The following SMYD3 variants were observed in gnomAD, a reference collection of about 807,000 sequenced individuals.
The protein encoded by SMYD3 is SET and MYND domain containing 3.
A neutral mutation model predicts 57.7 loss-of-function variants in SMYD3; 36 were observed. The observed-to-expected ratio is 0.62, with a 90% CI of 0.48 to 0.82. SMYD3 has a LOEUF of 0.82. Ranked by LOEUF, SMYD3 falls within the 40% of genes least tolerant of loss-of-function variation. The probability of loss-of-function intolerance (pLI) is 0.00; values close to 1 mark genes in which losing one functional copy is unlikely to be tolerated. For missense variants in SMYD3, 515 were observed against 538.8 expected (o/e 0.96, Z 0.44); for synonymous variants, 211 against 195.0 (o/e 1.08, Z -0.68).
At chr1:246,317,225 CTG>C in intron 5 of SMYD3, among the ~76,000 whole-genome samples, 1 of 152,276 alleles carries the variant, frequency 6.6e-6, no homozygotes, top group South Asian at 2.1e-4. Context: ...AAAACAATTA[CTG>C]TGTGTGTACT....
chr1:246,203,600 TACAAGGAC>T lies in SMYD3; in HGVS notation c.531+123593_531+123600del, dbSNP rs1315100067. Among the ~76,000 whole-genome samples, 1 of 152,216 alleles carries T rather than the reference TACAAGGAC, an allele frequency of 6.6e-6. No homozygotes were observed. The highest frequency in any genetic ancestry group is 1.9e-4 in the East Asian group (1 of 5,194). ...TGCTGTTGGTGTCTCTTCCTCTTCC[TACAAGGAC>T]ACCAGTCATACTGGACTAGGGTCAA... On this transcript the variant is annotated intron_variant, in intron 5 of 11. Transcript: ENST00000490107. The surrounding 1 kb of genome is among the most constrained non-coding windows in gnomAD (Gnocchi z 4.6).
chr1:246,109,502 T>C (rs150189737), intron 5 of SMYD3, among the ~76,000 whole-genome samples: 3 of 152,332 alleles, frequency 2.0e-5, no homozygotes, highest in Admixed American at 1.3e-4. Flanking sequence ...AAATATAGTA[T>C]GTTCTAAGAA....
intron 5 of SMYD3, among the ~76,000 whole-genome samples, chr1:245,978,128 G>A (rs1187077242): frequency 1.1e-4 from 16 of 152,158 alleles, no homozygotes; most frequent in South Asian, 6.2e-4. Flanking sequence ...AGAAGGAATC[G>A]TGAAGTAAAC....
intron 1 of SMYD3, among the ~76,000 whole-genome samples, chr1:246,406,098 T>C (rs975605809): frequency 3.9e-5 from 6 of 151,966 alleles, no homozygotes; most frequent in Non-Finnish European, 7.4e-5. Flanking sequence ...ATGGGATTTT[T>C]TTTTTTTAAA....
chr1:246,384,958 C>T (rs1313156568), intron 1 of SMYD3, among the ~76,000 whole-genome samples: 3 of 152,082 alleles, frequency 2.0e-5, no homozygotes, highest in South Asian at 2.1e-4. Flanking sequence ...CTAGGACTTA[C>T]GCAGTGATAA....
intron 10 of SMYD3, among the ~76,000 whole-genome samples, chr1:245,783,604 C>T (rs1280118810): frequency 6.6e-6 from 1 of 152,010 alleles, no homozygotes; most frequent in Non-Finnish European, 1.5e-5. Flanking sequence ...AAATAAGCTG[C>T]CCCTATTTAC....
At chr1:246,160,496 G>A (rs1264088215) in intron 5 of SMYD3, among the ~76,000 whole-genome samples, 7 of 152,194 alleles carry the variant, frequency 4.6e-5, no homozygotes, top group African/African-American at 1.2e-4. Context: ...CCTCGGTGCT[G>A]AAACATTAAT....
intron 5 of SMYD3, among the ~76,000 whole-genome samples, chr1:246,139,210 C>G (rs2061712907): frequency 6.6e-6 from 1 of 152,124 alleles, no homozygotes; most frequent in Non-Finnish European, 1.5e-5. Context: ...CTAAAATTAA[C>G]CTTTTAACCT....
intron 5 of SMYD3, among the ~76,000 whole-genome samples, chr1:246,260,276 G>C (rs1484343721): frequency 6.6e-6 from 1 of 152,060 alleles, no homozygotes; most frequent in Admixed American, 6.5e-5. Flanking sequence ...CAAATGCCTG[G>C]AGATCTGCCT....
chr1:246,363,922 A>AAAAT (rs1035267715), intron 1 of SMYD3, among the ~76,000 whole-genome samples: 1 of 152,226 alleles, frequency 6.6e-6, no homozygotes, highest in Non-Finnish European at 1.5e-5. Context: ...GATCAATAAA[A>AAAAT]AAATAAATAA....
chr1:245,880,976 G>A (rs930775212), intron 8 of SMYD3, among the ~76,000 whole-genome samples: 2 of 151,024 alleles, frequency 1.3e-5, no homozygotes, highest in African/African-American at 4.8e-5. Flanking sequence ...CCCACCCAGG[G>A]CACACACTGT....
chr1:246,122,686 A>G (rs1289251390), intron 5 of SMYD3, among the ~76,000 whole-genome samples: 1 of 152,218 alleles, frequency 6.6e-6, no homozygotes, highest in Non-Finnish European at 1.5e-5. Context: ...TCTTAGCTGG[A>G]CACTTTCATT....
At chr1:246,261,624 T>C (rs923665983) in intron 5 of SMYD3, among the ~76,000 whole-genome samples, 1 of 151,862 alleles carries the variant, frequency 6.6e-6, no homozygotes, top group African/African-American at 2.4e-5. Context: ...TCAAGACACA[T>C]TACTAAAACA....
Position 246,143,416 on chromosome 1 carries a change from C to T in SMYD3, c.531+183785G>A, listed in dbSNP as rs558404989. Among the ~76,000 whole-genome samples, 187 of 152,266 alleles carry T rather than the reference C, an allele frequency of 1.2e-3. 1 individual carries two copies. Among genetic ancestry groups the T allele is most frequent in the African/African-American group, 4.2e-3 (176 of 41,558 alleles). ...AAGCAGGACAGGCATGGTGCTCACACCTGTAATCCCAGCACTGTGGGAGGC... is the reference window on the plus strand; with the variant it reads ...AAGCAGGACAGGCATGGTGCTCACATCTGTAATCCCAGCACTGTGGGAGGC... On this transcript the variant is annotated intron_variant, in intron 5 of 11. Transcript: ENST00000490107.
At chr1:246,383,099 C>G (rs1053640271) in intron 1 of SMYD3, among the ~76,000 whole-genome samples, 6 of 152,212 alleles carry the variant, frequency 3.9e-5, no homozygotes, top group African/African-American at 1.2e-4. Flanking sequence ...CCCAGGCCTG[C>G]CCACCTATTG....
At chr1:245,783,532 G>C (rs553327645) in intron 10 of SMYD3, among the ~76,000 whole-genome samples, 1 of 152,136 alleles carries the variant, frequency 6.6e-6, no homozygotes, top group Admixed American at 6.5e-5. Context: ...ACATAATAGT[G>C]GAAGTACTAG....
intron 5 of SMYD3, among the ~76,000 whole-genome samples, chr1:246,065,517 A>G (rs944472517): frequency 3.9e-5 from 6 of 152,216 alleles, no homozygotes; most frequent in African/African-American, 1.4e-4. Flanking sequence ...TCCCAGATTT[A>G]CAGGCTGAGG....
At chr1:246,094,880 C>T (rs2060886081) in intron 5 of SMYD3, among the ~76,000 whole-genome samples, 1 of 152,196 alleles carries the variant, frequency 6.6e-6, no homozygotes, top group Admixed American at 6.5e-5. Flanking sequence ...CGGAGCCTCT[C>T]TCCAGTTTGC....
intron 1 of SMYD3, among the ~76,000 whole-genome samples, chr1:246,427,926 A>C (rs1172427753): frequency 1.3e-5 from 2 of 152,246 alleles, no homozygotes; most frequent in Non-Finnish European, 2.9e-5. Flanking sequence ...AAAGATTCTT[A>C]AATCCTTAAC....
Sources: allele counts gnomAD v4.1 joint callset (sites outside exome capture counted in the v4.1 genomes callset), GRCh38; gene constraint gnomAD v4.1.1; non-coding constraint Gnocchi (gnomAD v3.1); transcripts MANE v1.5; gene names NCBI Gene and HGNC (gene_info 2026-07-23, HGNC 2026-07-21).